The following SLC2A13 variants were observed in gnomAD, a reference collection of about 807,000 sequenced individuals.
SLC2A13 encodes the protein proton myo-inositol cotransporter.
Under a neutral mutation model 64.4 loss-of-function variants are expected in SLC2A13, and 32 were observed. The ratio of observed to expected loss-of-function variants is 0.50; its 90% CI spans 0.37 to 0.67. SLC2A13 has a LOEUF of 0.67. Among genes scored for constraint, SLC2A13 ranks in the 30% least tolerant of loss-of-function variants. SLC2A13 has a pLI of 0.00. For synonymous variants in SLC2A13, 338 were observed against 327.1 expected (o/e 1.03, Z -0.36); for missense variants, 743 against 829.2 (o/e 0.90, Z 1.28).
Position 39,765,368 on chromosome 12 carries a change from G to A in SLC2A13, c.1446-510C>T, listed in dbSNP as rs543792740. On this transcript the variant is annotated intron_variant, in intron 7 of 9. Transcript: ENST00000280871. ...AAATAGCCCTCTCCCTTTCTGCTCC[G>A]TGTCCTTGCTTCTCTACCAGTCACT... Among the ~76,000 whole-genome samples the A allele has an allele frequency of 7.2e-5, 11 of 152,080 alleles. No homozygotes were observed. The South Asian group carries it at 1.0e-3, about 14-fold the overall frequency.
At chr12:39,858,978 T>C (rs952136078) in intron 6 of SLC2A13, among the ~76,000 whole-genome samples, 14 of 151,056 alleles carry the variant, frequency 9.3e-5, no homozygotes, top group Admixed American at 3.3e-4. Context: ...CTCATGTTAA[T>C]GATGCGTTTG....
intron 2 of SLC2A13, among the ~76,000 whole-genome samples, chr12:40,033,045 T>C (rs1565598336): frequency 6.6e-6 from 1 of 152,200 alleles, no homozygotes; most frequent in Non-Finnish European, 1.5e-5. Flanking sequence ...CCAAGCACTG[T>C]TCAGAACAGT....
intron 6 of SLC2A13, among the ~76,000 whole-genome samples, chr12:39,849,850 C>CT (rs1297356763): frequency 1.3e-5 from 2 of 151,838 alleles, no homozygotes; most frequent in South Asian, 2.1e-4. Context: ...CTACTCCCTT[C>CT]TTTTTTTTCT....
intron 3 of SLC2A13, among the ~76,000 whole-genome samples, chr12:39,980,436 G>C (rs1946867500): frequency 6.6e-6 from 1 of 151,014 alleles, no homozygotes; most frequent in Non-Finnish European, 1.5e-5. Flanking sequence ...CCCATCTCAT[G>C]TGCAGAGACA....
intron 3 of SLC2A13, among the ~76,000 whole-genome samples, chr12:39,978,666 G>T (rs1946816777): frequency 6.6e-6 from 1 of 152,146 alleles, no homozygotes; most frequent in South Asian, 2.1e-4. Context: ...TGGCTCGGAG[G>T]GTCCTACGCC....
intron 6 of SLC2A13, among the ~76,000 whole-genome samples, chr12:39,856,774 A>G (rs899993623): frequency 4.3e-4 from 66 of 152,366 alleles, no homozygotes; most frequent in Middle Eastern, 3.4e-3. Flanking sequence ...CTTTTACAAC[A>G]TGATGGGAAA....
rs567542779 is a variant in SLC2A13 at position 40,105,030 on chromosome 12, G to A, written c.556+223C>T. Among the ~76,000 whole-genome samples, 7 of 152,304 alleles carry A rather than the reference G, an allele frequency of 4.6e-5. No individual in the cohort carries two copies. Among genetic ancestry groups the A allele is most frequent in the African/African-American group, 1.7e-4 (7 of 41,564 alleles). ...TATCAAAGATTCCACGTGCGCTCGA[G>A]GGAGACTAGAGTGACACCCCCTCCC... On this transcript the variant is annotated intron_variant, in intron 1 of 9. Coordinates refer to ENST00000280871, the MANE Select transcript of SLC2A13 (RefSeq NM_052885.4). The surrounding 1 kb of genome is among the most constrained non-coding windows in gnomAD (Gnocchi z 4.2).
intron 3 of SLC2A13, among the ~76,000 whole-genome samples, chr12:39,968,596 C>A (rs1415038573): frequency 2.6e-5 from 4 of 151,846 alleles, no homozygotes; most frequent in African/African-American, 9.7e-5. Flanking sequence ...CACTATTATT[C>A]CCCTTCCTTG....
chr12:39,877,259 A>G (rs1177058973), intron 4 of SLC2A13, among the ~76,000 whole-genome samples: 1 of 152,200 alleles, frequency 6.6e-6, no homozygotes, highest in Non-Finnish European at 1.5e-5. Flanking sequence ...AGGCCTCACA[A>G]TCATGGTGGA....
At chr12:39,980,103 C>T (rs1262828748) in intron 3 of SLC2A13, among the ~76,000 whole-genome samples, 2 of 151,816 alleles carry the variant, frequency 1.3e-5, no homozygotes, top group African/African-American at 2.4e-5. Flanking sequence ...AAATAAAATA[C>T]TTTATAGACA....
intron 6 of SLC2A13, among the ~76,000 whole-genome samples, chr12:39,858,318 C>G (rs543077673): frequency 1.3e-5 from 2 of 152,204 alleles, no homozygotes; most frequent in East Asian, 3.9e-4. Context: ...TCCAATGGGT[C>G]TGTAGATATT....
chr12:40,015,729 G>C (rs918499099), intron 3 of SLC2A13, among the ~76,000 whole-genome samples: 1 of 152,092 alleles, frequency 6.6e-6, no homozygotes, highest in Non-Finnish European at 1.5e-5. Context: ...ATCCACGAAA[G>C]CAGACGTTTT....
intron 4 of SLC2A13, among the ~76,000 whole-genome samples, chr12:39,884,094 C>T (rs931848818): frequency 1.3e-5 from 2 of 152,236 alleles, no homozygotes; most frequent in East Asian, 1.9e-4. Flanking sequence ...TGTATTCAGG[C>T]ACCATAAGCC....
intron 1 of SLC2A13, among the ~76,000 whole-genome samples, chr12:40,060,196 T>C (rs554892239): frequency 6.6e-6 from 1 of 152,240 alleles, no homozygotes; most frequent in South Asian, 2.1e-4. Flanking sequence ...TGTGGAAGGA[T>C]GATGAATGGA....
intron 4 of SLC2A13, among the ~76,000 whole-genome samples, chr12:39,881,773 G>C (rs1419320366): frequency 2.6e-5 from 4 of 152,202 alleles, no homozygotes; most frequent in African/African-American, 9.6e-5. Flanking sequence ...GGGAGAGGAT[G>C]AAAAGAGGGG....
At chr12:39,876,448 C>T (rs2135948834) in intron 4 of SLC2A13, among the ~76,000 whole-genome samples, 1 of 152,240 alleles carries the variant, frequency 6.6e-6, no homozygotes, top group Middle Eastern at 3.4e-3. Flanking sequence ...CTATTACTTG[C>T]ATTATAGAAT....
intron 5 of SLC2A13, 34 bp from the exon 6 acceptor site, chr12:39,864,916 T>C: frequency 6.3e-7 from 1 of 1,579,364 alleles, no homozygotes; most frequent in Non-Finnish European, 8.6e-7. Flanking sequence ...TAGAGAAGAG[T>C]TGACAATATT....
intron 1 of SLC2A13, among the ~76,000 whole-genome samples, chr12:40,094,935 G>C (rs1938889231): frequency 6.6e-6 from 1 of 152,224 alleles, no homozygotes; most frequent in Non-Finnish European, 1.5e-5. Flanking sequence ...AGACGCATCT[G>C]TGCAAGGCCC....
intron 4 of SLC2A13, among the ~76,000 whole-genome samples, chr12:39,875,384 CTATAT>C (rs1944157099): frequency 6.6e-6 from 1 of 152,194 alleles, no homozygotes; most frequent in African/African-American, 2.4e-5. Flanking sequence ...TCCCTTGTGA[CTATAT>C]TGGCTCCACT....
Sources: allele counts gnomAD v4.1 joint callset (sites outside exome capture counted in the v4.1 genomes callset), GRCh38; gene constraint gnomAD v4.1.1; non-coding constraint Gnocchi (gnomAD v3.1); transcripts MANE v1.5; gene names NCBI Gene and HGNC (gene_info 2026-07-23, HGNC 2026-07-21).